Variants in UBR3 observed in about 807,000 individuals in gnomAD.
UBR3 encodes ubiquitin protein ligase E3 component n-recognin 3, also known as E3 ubiquitin-protein ligase UBR3.
UBR3 carries 85 observed loss-of-function variants against 243.2 expected under a neutral mutation model. The observed-to-expected ratio is 0.35, with a 90% CI of 0.29 to 0.42. The LOEUF is 0.42. Among genes scored for constraint, UBR3 ranks in the 10% least tolerant of loss-of-function variants. The pLI is 1.00. For synonymous variants in UBR3, 748 were observed against 799.8 expected (o/e 0.94, Z 1.09); for missense variants, 1,686 against 2,300.8 (o/e 0.73, Z 5.47).
intron 24 of UBR3, among the ~76,000 whole-genome samples, chr2:169,985,386 G>C (rs939044845): frequency 6.6e-6 from 1 of 151,834 alleles, no homozygotes; most frequent in Admixed American, 6.6e-5. Context: ...CTGCCACCAT[G>C]CCTGCCCAAT....
At chr2:169,994,237 T>G in intron 25 of UBR3, 86 bp from the exon 26 acceptor site, 1 of 1,452,666 alleles carries the variant, frequency 6.9e-7, no homozygotes. Context: ...TTGAGTTGCT[T>G]GTGGTAAATA....
At chr2:170,070,465 T>C (rs2091673922) in intron 35 of UBR3, among the ~76,000 whole-genome samples, 1 of 152,040 alleles carries the variant, frequency 6.6e-6, no homozygotes, top group African/African-American at 2.4e-5. Flanking sequence ...TTTTCAGCAT[T>C]GTACTAAATT....
chr2:169,958,678 CTTT>C, intron 24 of UBR3, 152 bp downstream of exon 24: 1 of 619,462 alleles, frequency 1.6e-6, no homozygotes, highest in Non-Finnish European at 2.6e-6. Flanking sequence ...GAAGATCAGA[CTTT>C]TATTATAGAC....
At chr2:169,844,307 G>A (rs373105268) in intron 1 of UBR3, among the ~76,000 whole-genome samples, 20 of 152,004 alleles carry the variant, frequency 1.3e-4, no homozygotes, top group African/African-American at 3.9e-4. Flanking sequence ...CCTCATATTC[G>A]ATTTCTTTAG....
At chr2:170,001,912 C>CAAAAAAAAAAAAAAAAAAAAAAAAAA (rs71006062) in intron 27 of UBR3, among the ~76,000 whole-genome samples, 19 of 67,492 alleles carry the variant, frequency 2.8e-4, no homozygotes, top group East Asian at 8.0e-4. Context: ...GACTCCATCT[C>CAAAAAAAAAAAAAAAAAAAAAAAAAA]AAAAAAAAAA....
chr2:169,942,681 C>T, intron 20 of UBR3, 47 bp downstream of exon 20: 1 of 1,438,096 alleles, frequency 7.0e-7, no homozygotes, highest in Non-Finnish European at 9.1e-7. Context: ...AATTTATTTT[C>T]AAATAATAAT....
At chr2:170,080,068 C>T (rs368748513) in intron 37 of UBR3, 45 bp downstream of exon 37, 7 of 1,542,670 alleles carry the variant, frequency 4.5e-6, no homozygotes, top group African/African-American at 1.4e-5. Context: ...ACACAGATCT[C>T]ATATCACAAA....
At chr2:169,863,235 AGAGGAATCATAAG>A (rs1318104114) in intron 1 of UBR3, among the ~76,000 whole-genome samples, 1 of 152,206 alleles carries the variant, frequency 6.6e-6, no homozygotes, top group African/African-American at 2.4e-5. Context: ...ATTTGATTTC[AGAGGAATCATAAG>A]GAGAGTTTCT....
intron 1 of UBR3, among the ~76,000 whole-genome samples, chr2:169,858,824 T>G (rs1001137378): frequency 6.6e-6 from 1 of 152,126 alleles, no homozygotes; most frequent in Non-Finnish European, 1.5e-5. Context: ...GGTCTTGAAC[T>G]CCTGACCTCA....
chr2:169,862,748 T>C (rs1252814083), intron 1 of UBR3, among the ~76,000 whole-genome samples: 3 of 152,192 alleles, frequency 2.0e-5, no homozygotes, highest in Admixed American at 2.0e-4. Context: ...TTTTATGTCA[T>C]TTTGGGCTTT....
chr2:170,042,768 T>A (rs945532429), intron 32 of UBR3, among the ~76,000 whole-genome samples: 9 of 150,660 alleles, frequency 6.0e-5, no homozygotes, highest in East Asian at 5.8e-4. Flanking sequence ...AATTGCTGGA[T>A]CATATGGTAA....
chr2:170,028,261 C>A (rs2090582594), intron 30 of UBR3, among the ~76,000 whole-genome samples: 1 of 151,808 alleles, frequency 6.6e-6, no homozygotes, highest in Non-Finnish European at 1.5e-5. Context: ...TATACACATA[C>A]ACGCATGTAC....
At chr2:169,929,197 T>C (rs893730597) in intron 18 of UBR3, among the ~76,000 whole-genome samples, 2 of 152,218 alleles carry the variant, frequency 1.3e-5, no homozygotes, top group Non-Finnish European at 2.9e-5. Context: ...AAAAATATTT[T>C]GAATGTATTT....
At chr2:169,942,975 A>C (rs2086648026) in intron 20 of UBR3, among the ~76,000 whole-genome samples, 1 of 152,224 alleles carries the variant, frequency 6.6e-6, no homozygotes, top group Non-Finnish European at 1.5e-5. Context: ...CTAAAATGAC[A>C]AAACTAGAAT....
chr2:169,971,036 A>G (rs2105376146), intron 24 of UBR3, among the ~76,000 whole-genome samples: 1 of 150,936 alleles, frequency 6.6e-6, no homozygotes, highest in Non-Finnish European at 1.5e-5. Context: ...GTGAGATGGT[A>G]TCTCATTGTG....
Position 169,905,121 on chromosome 2 carries a change from A to C in UBR3, c.1473A>C (p.Glu491Asp). ...GTGTGTGTCTTTTTTTAGATGAAGA[A>C]AATAGTTTACATGTGGTAGTGAACT... ...CLIKSELQDE[E>D]NSLHVVVNCG... Residue 491 changes from glutamate (E) to aspartate (D), a missense_variant, in exon 9 of 39, where the codon GAA becomes GAC. Around this residue, in one of 8 missense-constraint regions of UBR3, gnomAD observed 346 missense variants for 585.8 expected, o/e 0.59. Transcript: ENST00000272793. 1 of 1,457,428 alleles carries C rather than the reference A, an allele frequency of 6.9e-7. No homozygotes were observed. The highest frequency in any genetic ancestry group is 1.5e-5 in the South Asian group (1 of 64,616). 90.3% of individuals were successfully genotyped at this position (1,457,428 alleles called of 1,614,324 possible).
At chr2:170,056,772 G>T (rs1050313049) in intron 33 of UBR3, among the ~76,000 whole-genome samples, 2 of 152,158 alleles carry the variant, frequency 1.3e-5, no homozygotes, top group Non-Finnish European at 2.9e-5. Flanking sequence ...TCACAATTAT[G>T]TGTACATTTA....
intron 31 of UBR3, among the ~76,000 whole-genome samples, chr2:170,029,667 C>A (rs1452870051): frequency 1.3e-5 from 2 of 151,950 alleles, no homozygotes; most frequent in African/African-American, 4.8e-5. Context: ...TAAAGAATCC[C>A]ACTGATTTTT....
chr2:170,045,238 TCA>T, intron 32 of UBR3, among the ~76,000 whole-genome samples: 1 of 152,246 alleles, frequency 6.6e-6, no homozygotes. Flanking sequence ...CCATTAGATC[TCA>T]TGAGACTTAT....
Sources: allele counts gnomAD v4.1 joint callset (sites outside exome capture counted in the v4.1 genomes callset), GRCh38; gene constraint gnomAD v4.1.1; regional missense constraint gnomAD v4.1.1; transcripts MANE v1.5; gene names NCBI Gene and HGNC (gene_info 2026-07-23, HGNC 2026-07-21).